Variants in ALCAM observed in about 807,000 individuals in gnomAD.
ALCAM encodes activated leukocyte cell adhesion molecule.
ALCAM carries 30 observed loss-of-function variants against 70.9 expected under a neutral mutation model. The ratio of observed to expected loss-of-function variants is 0.42; its 90% CI spans 0.32 to 0.57. ALCAM has a LOEUF of 0.57. Among genes scored for constraint, ALCAM ranks in the 20% least tolerant of loss-of-function variants. ALCAM has a pLI of 0.11. For synonymous variants in ALCAM, 249 were observed against 242.5 expected (o/e 1.03, Z -0.25); for missense variants, 591 against 695.1 (o/e 0.85, Z 1.68).
intron 1 of ALCAM, among the ~76,000 whole-genome samples, chr3:105,508,029 A>G (rs1433177965): frequency 6.6e-6 from 1 of 152,140 alleles, no homozygotes; most frequent in African/African-American, 2.4e-5. Context: ...TTGAATATTC[A>G]TGATTTTCTA....
chr3:105,520,213 T>A, intron 2 of ALCAM, 46 bp downstream of exon 2: 1 of 1,320,852 alleles, frequency 7.6e-7, no homozygotes, highest in Non-Finnish European at 1.1e-6. Context: ...CTTGTTCTTT[T>A]AAATAAAATT....
At chr3:105,557,525 A>AT (rs1429251906) in intron 14 of ALCAM, among the ~76,000 whole-genome samples, 6 of 152,072 alleles carry the variant, frequency 3.9e-5, no homozygotes, top group Admixed American at 3.3e-4. Flanking sequence ...TATTCGTTTC[A>AT]TTTTTTTAAA....
At chr3:105,487,210 T>TC (rs1938455926) in intron 1 of ALCAM, among the ~76,000 whole-genome samples, 1 of 152,106 alleles carries the variant, frequency 6.6e-6, no homozygotes. Context: ...ATAACAAGGA[T>TC]CCGTCCCATT....
intron 11 of ALCAM, among the ~76,000 whole-genome samples, chr3:105,548,694 G>A (rs1455447952): frequency 6.6e-6 from 1 of 151,270 alleles, no homozygotes; most frequent in Non-Finnish European, 1.5e-5. Context: ...AGTGTGATGG[G>A]GACACACAGT....
At chr3:105,432,481 G>C (rs1936957749) in intron 1 of ALCAM, among the ~76,000 whole-genome samples, 1 of 151,878 alleles carries the variant, frequency 6.6e-6, no homozygotes, top group Non-Finnish European at 1.5e-5. Context: ...GTGAGCTTCA[G>C]ATCCTCCAGG....
intron 1 of ALCAM, among the ~76,000 whole-genome samples, chr3:105,423,498 GAA>G (rs558228767): frequency 2.9e-5 from 4 of 135,594 alleles, no homozygotes; most frequent in Admixed American, 1.5e-4. Context: ...TTCTTTCAGG[GAA>G]AAAAAAAAAA....
intron 1 of ALCAM, among the ~76,000 whole-genome samples, chr3:105,476,938 C>A (rs1209173624): frequency 6.6e-6 from 1 of 152,002 alleles, no homozygotes; most frequent in East Asian, 1.9e-4. Context: ...CTTTACCATG[C>A]TATCCTCGTG....
At position 105,454,130 on chromosome 3, in the gene ALCAM, A is replaced by T. The variant is rs139830814; in HGVS notation, c.74-65937A>T. Among the ~76,000 whole-genome samples the T allele has an allele frequency of 7.4e-4, 112 of 152,280 alleles. No individual in the cohort carries two copies. The East Asian group carries it at 0.019, about 26-fold the overall frequency. ...TCTATTAAAAGGGAGATAAAATAAT[A>T]TTTATAATTTTTAAAAATATAATTC... is the stretch of plus-strand genomic sequence containing the variant. On this transcript the variant is annotated intron_variant, in intron 1 of 15. Coordinates refer to ENST00000306107, the MANE Select transcript of ALCAM (RefSeq NM_001627.4).
chr3:105,432,511 C>T (rs1004586566), intron 1 of ALCAM, among the ~76,000 whole-genome samples: 5 of 151,890 alleles, frequency 3.3e-5, no homozygotes, highest in Non-Finnish European at 5.9e-5. Flanking sequence ...GTAGATATTC[C>T]GATTTTCTCT....
In ALCAM at chr3:105,523,139, C is replaced by CAAAA. The variant is rs59478384; in HGVS notation, c.175-1126_175-1123dup. Among the ~76,000 whole-genome samples the CAAAA allele has an allele frequency of 8.4e-4, 73 of 87,010 alleles. 1 individual carries two copies. Among genetic ancestry groups the CAAAA allele is most frequent in the African/African-American group, 3.2e-3 (65 of 20,394 alleles). 57.1% of individuals were successfully genotyped at this position (87,010 alleles called of 152,430 possible). A position where few individuals can be genotyped will look rare whatever the true frequency, so the allele number is the denominator to read the frequency against. On this transcript the variant is annotated intron_variant, in intron 2 of 15. Coordinates refer to ENST00000306107, the MANE Select transcript of ALCAM (RefSeq NM_001627.4). ...TGGGCGACAGAGCGAGACTCCGTCT[C>CAAAA]AAAAAAAAAAAAAAAAAAAAAAAAA...
At chr3:105,567,542 A>G (rs1940770558) in intron 14 of ALCAM, among the ~76,000 whole-genome samples, 1 of 152,018 alleles carries the variant, frequency 6.6e-6, no homozygotes, top group Non-Finnish European at 1.5e-5. Context: ...TAGGTTCACT[A>G]ATGCTTTCTT....
At chr3:105,565,127 G>C (rs1425201385) in intron 14 of ALCAM, among the ~76,000 whole-genome samples, 1 of 152,024 alleles carries the variant, frequency 6.6e-6, no homozygotes, top group Non-Finnish European at 1.5e-5. Flanking sequence ...CTCCAGCCTG[G>C]GCAACAGAGC....
chr3:105,512,179 A>G (rs761391455), intron 1 of ALCAM, among the ~76,000 whole-genome samples: 6 of 151,978 alleles, frequency 3.9e-5, no homozygotes, highest in Non-Finnish European at 8.8e-5. Flanking sequence ...ATTTTCTCAA[A>G]TCAAGAGATC....
At chr3:105,385,710 G>A (rs1444377443) in intron 1 of ALCAM, among the ~76,000 whole-genome samples, 1 of 151,614 alleles carries the variant, frequency 6.6e-6, no homozygotes, top group African/African-American at 2.4e-5. Context: ...TTAACAATGT[G>A]TGTCAAATTT....
At chr3:105,395,362 C>T (rs1935924098) in intron 1 of ALCAM, among the ~76,000 whole-genome samples, 1 of 151,830 alleles carries the variant, frequency 6.6e-6, no homozygotes, top group South Asian at 2.1e-4. Context: ...AGTTTTTTGT[C>T]CTTGGAGAGT....
At chr3:105,427,059 A>G (rs1936808392) in intron 1 of ALCAM, among the ~76,000 whole-genome samples, 2 of 151,860 alleles carry the variant, frequency 1.3e-5, no homozygotes, top group Non-Finnish European at 2.9e-5. Context: ...AGGAAGGGGA[A>G]AAAAAGGAAA....
At chr3:105,414,333 A>G (rs1337496279) in intron 1 of ALCAM, among the ~76,000 whole-genome samples, 2 of 151,902 alleles carry the variant, frequency 1.3e-5, no homozygotes, top group Non-Finnish European at 2.9e-5. Context: ...GGAGGATTGT[A>G]TGAGCCCAGA....
chr3:105,379,974 C>T (rs1054667377), intron 1 of ALCAM, among the ~76,000 whole-genome samples: 1 of 151,536 alleles, frequency 6.6e-6, no homozygotes, highest in East Asian at 1.9e-4. Flanking sequence ...CTTTAATACA[C>T]CAAGGCATCA....
At chr3:105,547,750 G>A (rs1940287900) in intron 11 of ALCAM, among the ~76,000 whole-genome samples, 1 of 151,386 alleles carries the variant, frequency 6.6e-6, no homozygotes, top group East Asian at 1.9e-4. Flanking sequence ...CCAGGGCCAT[G>A]GAGAAGGGAA....
Sources: gnomAD v4.1 joint callset for allele counts (sites outside exome capture counted in the v4.1 genomes callset) on GRCh38, gnomAD v4.1.1 for gene constraint, MANE v1.5 for transcripts, NCBI Gene and HGNC (gene_info 2026-07-23, HGNC 2026-07-21) for gene names.